CERKL: variants seen among roughly 807,000 people sequenced by gnomAD.
CERKL encodes the protein CERK like autophagy regulator, also known as ceramide kinase-like protein.
CERKL carries 61 observed loss-of-function variants against 63.4 expected under a neutral mutation model. That is an observed-to-expected ratio of 0.96 (90% CI 0.78 to 1.19). The LOEUF (loss-of-function observed/expected upper bound fraction) is 1.19, where lower values mean the gene tolerates loss of function less well. Among genes scored for constraint, CERKL ranks in the 50% most tolerant of loss-of-function variants. The probability of loss-of-function intolerance (pLI) is 0.00; values close to 1 mark genes in which losing one functional copy is unlikely to be tolerated. For synonymous variants in CERKL, 250 were observed against 230.5 expected, an observed-to-expected ratio of 1.08 and a Z score of -0.77; for missense variants, 675 against 655.5, an observed-to-expected ratio of 1.03 and a Z score of -0.33.
chr2:181,586,257 T>C (rs1261233794), intron 2 of CERKL, among the ~76,000 whole-genome samples: 1 of 152,116 alleles, frequency 6.6e-6, no homozygotes, highest in African/African-American at 2.4e-5. Context: ...TTAGGTGACC[T>C]AGAAATAAAG....
At chr2:181,651,466 G>A (rs1472298493) in intron 1 of CERKL, among the ~76,000 whole-genome samples, 1 of 152,064 alleles carries the variant, frequency 6.6e-6, no homozygotes, top group Non-Finnish European at 1.5e-5. Flanking sequence ...GACAAAATGT[G>A]GCATAATTTC....
rs1021978092 is a variant in CERKL, at chr2:181,587,326, A to G, written c.482-13442T>C. Among the ~76,000 whole-genome samples, 3 of 152,228 alleles carry G rather than the reference A, an allele frequency of 2.0e-5. No individual in the cohort carries two copies. The East Asian group carries it at 5.8e-4, about 29-fold the overall frequency. ...AATAGCTAAAACTGACTGAACAGTA[A>G]TTAGCAGAATCACCTGCTGCCGGAA... On this transcript the variant is annotated intron_variant, in intron 2 of 12. Coordinates refer to ENST00000410087, the MANE Select transcript of CERKL (RefSeq NM_201548.5).
At chr2:181,543,865 T>C (rs1279147532) in intron 11 of CERKL, among the ~76,000 whole-genome samples, 3 of 151,206 alleles carry the variant, frequency 2.0e-5, no homozygotes, top group African/African-American at 7.3e-5. Context: ...GAGCCTGTAA[T>C]CCCACCTACT....
intron 1 of CERKL, among the ~76,000 whole-genome samples, chr2:181,627,758 A>G (rs531482963): frequency 1.3e-5 from 2 of 152,320 alleles, no homozygotes; most frequent in South Asian, 4.1e-4. Flanking sequence ...CCCACACCCC[A>G]TGGCTGTAAG....
rs1436409382 is a variant in CERKL at position 181,656,926 on chromosome 2, A to C, written c.81T>G (p.Ala27=). 2.5e-6 allele frequency: 4 copies of C among 1,594,842 alleles called. No individual in the cohort carries two copies. The highest frequency in any genetic ancestry group is 1.7e-5 in the Admixed American group (1 of 59,472). ...GGGACGTTAACAGCGCCGGAGGCAC[A>C]GCGGCAGCCTCCGGGGGCGCCTCTT... ...REEEAPPEAA[A]VPPALLTSPQ... is the part of the protein sequence containing the mutation. The change falls in exon 1 of 13, where the codon GCT becomes GCG. Residue 27 remains alanine (A), a synonymous_variant. Transcript: ENST00000410087.
At chr2:181,629,373 T>A (rs1402419398) in intron 1 of CERKL, among the ~76,000 whole-genome samples, 1 of 152,206 alleles carries the variant, frequency 6.6e-6, no homozygotes, top group Non-Finnish European at 1.5e-5. Context: ...CTGATTGTAG[T>A]AGGAAAGTAA....
At chr2:181,603,778 A>T in intron 2 of CERKL, 59 bp downstream of exon 2, 1 of 1,537,730 alleles carries the variant, frequency 6.5e-7, no homozygotes, top group Non-Finnish European at 9.0e-7. Flanking sequence ...ACATGTCTAG[A>T]TTAATCATGT....
chr2:181,584,084 C>T (rs1387364683), intron 2 of CERKL, among the ~76,000 whole-genome samples: 1 of 152,116 alleles, frequency 6.6e-6, no homozygotes. Flanking sequence ...GAAGCAGATA[C>T]AGAAAAATGT....
rs35040208 is a variant in CERKL, at chr2:181,616,206, ATTTTTTTTTTTT to A, written c.239-12139_239-12128del. Among the ~76,000 whole-genome samples the A allele has an allele frequency of 1.8e-3, 198 of 110,062 alleles. 1 individual carries two copies. The Middle Eastern group carries it at 0.028, about 15-fold the overall frequency. The allele number at this position is 110,062 out of a possible 152,430, so 72.2% of individuals were successfully genotyped here. On this transcript the variant is annotated intron_variant, in intron 1 of 12. Coordinates refer to ENST00000410087, the MANE Select transcript of CERKL (RefSeq NM_201548.5). ...ATCAATGAAACAGTCAAAAATCTAA[ATTTTTTTTTTTT>A]TTTTTTTTTTTTTAAGACAGAGTCT...
At position 181,537,377 on chromosome 2, in the gene CERKL, T is replaced by C. The variant is rs1256250810; in HGVS notation, c.*807A>G. On this transcript the variant is annotated 3_prime_UTR_variant, in exon 13 of 13. Coordinates refer to ENST00000410087, the MANE Select transcript of CERKL (RefSeq NM_201548.5). ...CAGATACAAGGGGAACACAATTACA[T>C]ATTGGGCTAGATTTTGCCCAGTTCA... The C allele has an allele frequency of 2.2e-6, 1 of 453,818 alleles. No homozygotes were observed. Among genetic ancestry groups the C allele is most frequent in the Non-Finnish European group, 4.4e-6 (1 of 226,726 alleles). The allele number at this position is 453,818 out of a possible 1,614,324, so 28.1% of individuals were successfully genotyped here.
intron 2 of CERKL, among the ~76,000 whole-genome samples, chr2:181,578,261 G>GGA (rs1400599728): frequency 1.4e-4 from 22 of 151,786 alleles, no homozygotes; most frequent in African/African-American, 5.1e-4. Flanking sequence ...TGTGTGTGGG[G>GGA]GGGTATGTGT....
chr2:181,603,840 C>T lies in CERKL; in HGVS notation c.478G>A (p.Ala160Thr), dbSNP rs1378155485. Residue 160 changes from alanine to threonine, a missense_variant, in exon 2 of 13, where the codon GCA becomes ACA. Transcript: ENST00000410087. ...ATTTCCCATGAGGAGTACTTACCTGCCAATATTTTCTTGAACTGTCTAAAC... is the reference window on the plus strand; with the variant it reads ...ATTTCCCATGAGGAGTACTTACCTGTCAATATTTTCTTGAACTGTCTAAAC... ...IWFRQFKKIL[A>T]GFPNRPKSLK... 6 of 1,613,082 alleles carry T rather than the reference C, an allele frequency of 3.7e-6. No individual in the cohort carries two copies. Among genetic ancestry groups the T allele is most frequent in the South Asian group, 1.1e-5 (1 of 90,998 alleles).
At position 181,573,748 on chromosome 2, in the gene CERKL, C is replaced by G. The variant is rs747269308; in HGVS notation, c.613+5G>C. ...TGGTGAAATTATATTCTGAAAATTA[C>G]TTACTTGTTACATCAGTTTTTATTC... is the stretch of plus-strand genomic sequence containing the variant. On this transcript the variant is annotated splice_donor_5th_base_variant and intron_variant, in intron 3 of 12. Coordinates refer to ENST00000410087, the MANE Select transcript of CERKL (RefSeq NM_201548.5). 6.2e-7 allele frequency: 1 copy of G among 1,611,000 alleles called. No homozygotes were observed. The highest frequency in any genetic ancestry group is 8.5e-7 in the Non-Finnish European group (1 of 1,177,902).
chr2:181,563,495 A>G (rs148600383), intron 4 of CERKL, among the ~76,000 whole-genome samples: 291 of 152,170 alleles, frequency 1.9e-3, no homozygotes, highest in African/African-American at 6.5e-3. Flanking sequence ...TTTCCTAATC[A>G]CTCCCTATTA....
intron 1 of CERKL, among the ~76,000 whole-genome samples, chr2:181,616,779 A>C (rs1300407009): frequency 6.6e-6 from 1 of 152,172 alleles, no homozygotes; most frequent in Non-Finnish European, 1.5e-5. Context: ...TTAGAAATTA[A>C]TTTTCCTAGA....
chr2:181,564,487 C>A (rs992493921), intron 4 of CERKL, among the ~76,000 whole-genome samples: 16 of 152,034 alleles, frequency 1.1e-4, no homozygotes, highest in African/African-American at 3.4e-4. Flanking sequence ...AATAACAACA[C>A]CTGCCATGAA....
intron 3 of CERKL, among the ~76,000 whole-genome samples, chr2:181,573,295 T>C (rs571156148): frequency 3.9e-5 from 6 of 152,164 alleles, no homozygotes; most frequent in African/African-American, 1.4e-4. Context: ...AATTCATCTA[T>C]TAATAAAACC....
intron 2 of CERKL, among the ~76,000 whole-genome samples, chr2:181,577,302 G>A (rs904148148): frequency 7.2e-5 from 11 of 152,194 alleles, no homozygotes; most frequent in African/African-American, 2.7e-4. Flanking sequence ...AGTCTGCACA[G>A]GACTGCAACT....
intron 2 of CERKL, chr2:181,603,083 A>C (rs1275888272): frequency 3.7e-6 from 1 of 266,708 alleles, no homozygotes; most frequent in Non-Finnish European, 8.2e-6. Context: ...CCTAATAAAC[A>C]TGTTCTCTTT....
Sources: allele counts gnomAD v4.1 joint callset (sites outside exome capture counted in the v4.1 genomes callset), GRCh38; gene constraint gnomAD v4.1.1; transcripts MANE v1.5; gene names NCBI Gene and HGNC (gene_info 2026-07-23, HGNC 2026-07-21).